PLCG2: variants seen among roughly 807,000 people sequenced by gnomAD.
PLCG2 encodes the protein 1-phosphatidylinositol 4,5-bisphosphate phosphodiesterase gamma-2.
Under a neutral mutation model 175.6 loss-of-function variants are expected in PLCG2, and 69 were observed. The observed-to-expected ratio is 0.39, with a 90% confidence interval of 0.32 to 0.48. The LOEUF is 0.48. Among genes scored for constraint, PLCG2 ranks in the 20% least tolerant of loss-of-function variants. The probability of loss-of-function intolerance (pLI) is 0.91; values close to 1 mark genes in which losing one functional copy is unlikely to be tolerated. For missense variants in PLCG2, 1,798 were observed against 1,650.9 expected (o/e 1.09, Z -1.54); for synonymous variants, 827 against 624.0 (o/e 1.33, Z -4.85).
intron 2 of PLCG2, among the ~76,000 whole-genome samples, chr16:81,825,717 C>G: frequency 6.6e-6 from 1 of 152,220 alleles, no homozygotes; most frequent in Non-Finnish European, 1.5e-5. Context: ...GAAACACACT[C>G]CCACGTAACC....
intron 2 of PLCG2, among the ~76,000 whole-genome samples, chr16:81,824,977 G>A (rs1904981183): frequency 1.3e-5 from 2 of 152,344 alleles, no homozygotes; most frequent in Non-Finnish European, 2.9e-5. Flanking sequence ...GCAGGATTCT[G>A]GCTTTGAAGG....
At chr16:81,942,847 T>C (rs1162872047) in intron 30 of PLCG2, among the ~76,000 whole-genome samples, 1 of 152,186 alleles carries the variant, frequency 6.6e-6, no homozygotes, top group African/African-American at 2.4e-5. Flanking sequence ...TGCATTGATC[T>C]TACTTTAAAA....
intron 2 of PLCG2, among the ~76,000 whole-genome samples, chr16:81,849,061 T>A (rs556746974): frequency 5.3e-5 from 8 of 151,856 alleles, no homozygotes; most frequent in Non-Finnish European, 1.2e-4. Flanking sequence ...CCTGTGTGGG[T>A]GGTGCAAGGG....
chr16:81,793,485 C>A (rs1911330126), intron 2 of PLCG2, among the ~76,000 whole-genome samples: 1 of 152,142 alleles, frequency 6.6e-6, no homozygotes, highest in Admixed American at 6.5e-5. Context: ...TGGTGATGGG[C>A]CCTTTTGAGG....
intron 2 of PLCG2, among the ~76,000 whole-genome samples, chr16:81,819,394 C>T (rs992437431): frequency 8.5e-5 from 13 of 152,220 alleles, no homozygotes; most frequent in South Asian, 4.2e-4. Context: ...GGAGCTCCTG[C>T]GAATCCCCTT....
chr16:81,885,744 T>A (rs570678850), intron 9 of PLCG2, among the ~76,000 whole-genome samples: 3 of 152,180 alleles, frequency 2.0e-5, no homozygotes, highest in African/African-American at 7.2e-5. Context: ...GAGAAACTTA[T>A]GAGTAGAGAA....
rs548943015 is a variant in PLCG2 at position 81,923,641 on chromosome 16, G to C, written c.2417+47G>C. ...GCTGCTCGGCAGGTGGGCTTGACTT[G>C]TCCCTTCTTGGTGATAAGACTCAGG... On this transcript the variant is annotated intron_variant, in intron 22 of 32. Coordinates refer to ENST00000564138, the MANE Select transcript of PLCG2 (RefSeq NM_002661.5). 5.2e-6 allele frequency: 6 copies of C among 1,159,336 alleles called. No homozygotes were observed. In the Admixed American group the frequency reaches 7.4e-5, roughly 14 times the overall value. 71.8% of individuals were successfully genotyped at this position (1,159,336 alleles called of 1,614,324 possible).
At chr16:81,854,734 G>C in intron 3 of PLCG2, 147 bp downstream of exon 3, 1 of 731,140 alleles carries the variant, frequency 1.4e-6, no homozygotes. Flanking sequence ...CCCCTTTCTA[G>C]CTGTGTGTCT....
chr16:81,877,196 T>C (rs996292867), intron 7 of PLCG2, among the ~76,000 whole-genome samples: 4 of 152,226 alleles, frequency 2.6e-5, no homozygotes, highest in African/African-American at 9.6e-5. Context: ...GGCTCACGCC[T>C]GTAATCCCAG....
chr16:81,880,925 A>G lies in PLCG2; in HGVS notation c.664A>G (p.Lys222Glu). 6.2e-7 allele frequency: 1 copy of G among 1,614,098 alleles called. No individual in the cohort carries two copies. The highest frequency in any genetic ancestry group is 8.5e-7 in the Non-Finnish European group (1 of 1,179,920). Reference protein sequence around the residue: ...EQQKSILDEFKKDSSVFILGN... With the variant: ...EQQKSILDEFEKDSSVFILGN... ...TCCATTTCAGATTCTCGATGAATTC[A>G]AAAAGGATTCGTCCGTGTTCATCCT... Residue 222 changes from lysine to glutamate, a missense_variant, in exon 8 of 33, where the codon AAA becomes GAA. By Grantham distance (56) the Lys-to-Glu change is moderately conservative. Transcript: ENST00000564138.
chr16:81,786,172 C>G lies in PLCG2; in HGVS notation c.183C>G (p.Ile61Met), dbSNP rs553657822. The change falls in exon 2 of 33, where the codon ATC becomes ATG. Residue 61 changes from isoleucine to methionine, a missense_variant. Ile to Met is a conservative substitution (Grantham distance 10). Transcript: ENST00000564138. ...QVAWSKTADK[I>M]EGFLDIMEIK... ...CCTGGAGCAAGACCGCTGACAAGAT[C>G]GAGGGCTTCTGTGAGTACTCGCTGG... is the stretch of plus-strand genomic sequence containing the variant. The G allele has an allele frequency of 1.2e-6, 2 of 1,613,878 alleles. No homozygotes were observed. The highest frequency in any genetic ancestry group is 2.2e-5 in the East Asian group (1 of 44,874).
At chr16:81,951,046 G>T (rs1483956686) in intron 31 of PLCG2, among the ~76,000 whole-genome samples, 1 of 152,166 alleles carries the variant, frequency 6.6e-6, no homozygotes, top group Admixed American at 6.5e-5. Context: ...GGAATACAGT[G>T]GTGTGATCAT....
At chr16:81,761,335 A>G (rs1025992275) in intron 2 of PLCG2, among the ~76,000 whole-genome samples, 4 of 152,232 alleles carry the variant, frequency 2.6e-5, no homozygotes, top group Non-Finnish European at 4.4e-5. Context: ...GCTACACTCC[A>G]GCCTGGGCAA....
chr16:81,867,283 C>T (rs1159821425), intron 5 of PLCG2, among the ~76,000 whole-genome samples: 2 of 152,256 alleles, frequency 1.3e-5, no homozygotes, highest in Admixed American at 1.3e-4. Context: ...AGCTTCCTCT[C>T]TTGACCACTC....
chr16:81,957,870 T>A, intron 32 of PLCG2, 86 bp from the exon 33 acceptor site: 1 of 1,202,678 alleles, frequency 8.3e-7, no homozygotes, highest in Non-Finnish European at 1.2e-6. Context: ...GACTGGCAAA[T>A]GTACAGAAAG....
chr16:81,956,700 C>T lies in PLCG2; in HGVS notation c.3576C>T (p.Ser1192=), dbSNP rs767695750. ...CTCTCCCCTGCATCCTCCAGGAGAGCGAAGAGGAACTTTACTCCTCCTGTC... is the reference window on the plus strand; with the variant it reads ...CTCTCCCCTGCATCCTCCAGGAGAGTGAAGAGGAACTTTACTCCTCCTGTC... ...VFCEMRPVLE[S]EEELYSSCRQ... Residue 1192 remains serine, a synonymous_variant, in exon 32 of 33, where the codon AGC becomes AGT. Coordinates refer to ENST00000564138, the MANE Select transcript of PLCG2 (RefSeq NM_002661.5). The T allele has an allele frequency of 1.1e-5, 18 of 1,613,282 alleles. No homozygotes were observed. Among genetic ancestry groups the T allele is most frequent in the East Asian group, 4.5e-5 (2 of 44,882 alleles).
chr16:81,798,611 A>G (rs781033441), intron 2 of PLCG2: 2 of 152,472 alleles, frequency 1.3e-5, no homozygotes, highest in African/African-American at 4.8e-5. Flanking sequence ...GCTTTCATCT[A>G]TACAAGTTGT....
intron 5 of PLCG2, among the ~76,000 whole-genome samples, chr16:81,863,327 C>A (rs553171080): frequency 1.2e-4 from 18 of 152,354 alleles, no homozygotes; most frequent in Non-Finnish European, 2.4e-4. Flanking sequence ...TGGCTTATTT[C>A]ACTTAGTGTA....
chr16:81,827,958 C>G (rs1009080910), intron 2 of PLCG2, among the ~76,000 whole-genome samples: 1 of 151,578 alleles, frequency 6.6e-6, no homozygotes, highest in Non-Finnish European at 1.5e-5. Context: ...GGCATGGTGG[C>G]GGATGCCTGT....
Sources: allele counts gnomAD v4.1 joint callset (sites outside exome capture counted in the v4.1 genomes callset), GRCh38; gene constraint gnomAD v4.1.1; transcripts MANE v1.5; gene names NCBI Gene and HGNC (gene_info 2026-07-23, HGNC 2026-07-21).